Variants in XKR8 observed in about 807,000 individuals in gnomAD.
XKR8 encodes the protein XK related 8.
In XKR8, 10 loss-of-function variants were observed where a neutral mutation model predicts 17.1. The ratio of observed to expected loss-of-function variants is 0.59; its 90% CI spans 0.36 to 0.99. The LOEUF is 0.99. Ranked by LOEUF, XKR8 falls within the 50% of genes least tolerant of loss-of-function variation. The probability of loss-of-function intolerance (pLI) is 0.01; values close to 1 mark genes in which losing one functional copy is unlikely to be tolerated. For missense variants in XKR8, 411 were observed against 515.6 expected, an observed-to-expected ratio of 0.80 and a Z score of 1.96; for synonymous variants, 213 against 251.9, an observed-to-expected ratio of 0.85 and a Z score of 1.46.
chr1:27,967,345 G>A lies in XKR8; in HGVS notation c.*145G>A, dbSNP rs569258073. Reference sequence around the variant, plus strand: ...AAGAGCGGGACGCCTGTGCTGGGCCGGGCACCAGGGATGGTGCTGAGTCGG... The same window carrying A: ...AAGAGCGGGACGCCTGTGCTGGGCCAGGCACCAGGGATGGTGCTGAGTCGG... On this transcript the variant is annotated 3_prime_UTR_variant, in exon 3 of 3. Coordinates refer to ENST00000373884, the MANE Select transcript of XKR8 (RefSeq NM_018053.4). The surrounding 1 kb of genome is among the most constrained non-coding windows in gnomAD (Gnocchi z 4.3). The A allele has an allele frequency of 4.5e-5, 41 of 915,448 alleles. No homozygotes were observed. The highest frequency in any genetic ancestry group is 4.0e-4 in the Admixed American group (13 of 32,340). The allele number at this position is 915,448 out of a possible 1,614,324, so 56.7% of individuals were successfully genotyped here.
At position 27,959,994 on chromosome 1, in the gene XKR8, C is replaced by A. The variant is rs1200824459; in HGVS notation, c.-76C>A. The A allele has an allele frequency of 3.1e-6, 4 of 1,309,534 alleles. No homozygotes were observed. The highest frequency in any genetic ancestry group is 3.9e-6 in the Non-Finnish European group (4 of 1,021,568). 81.1% of individuals were successfully genotyped at this position (1,309,534 alleles called of 1,614,324 possible). ...CCCCGAGGGCTGCGCCCACCTCCTT[C>A]CTGCCTCGGCAACCCCGGGCCCTGA... On this transcript the variant is annotated 5_prime_UTR_variant, in exon 1 of 3. Coordinates refer to ENST00000373884, the MANE Select transcript of XKR8 (RefSeq NM_018053.4).
rs745583124 is a variant in XKR8, at chr1:27,966,922, G to A, written c.910G>A (p.Val304Met). 3.7e-6 allele frequency: 6 copies of A among 1,614,182 alleles called. No homozygotes were observed. The South Asian group carries it at 6.6e-5, about 18-fold the overall frequency. The change falls in exon 3 of 3, where the codon GTG (valine) becomes ATG (methionine). Residue 304 changes from valine to methionine, a missense_variant. Physicochemically the swap from Val to Met is conservative, Grantham distance 21. Coordinates refer to ENST00000373884, the MANE Select transcript of XKR8 (RefSeq NM_018053.4). The surrounding 1 kb of genome is among the most constrained non-coding windows in gnomAD (Gnocchi z 4.3). ...CAGCATTCTCCTGGTGGCCACCTGG[G>A]TGACTCATAGCTCCTGGCTGCCCAG... ...SDSILLVATWVTHSSWLPSGI... is the reference protein window; with the variant it reads ...SDSILLVATWMTHSSWLPSGI...
At position 27,967,304 on chromosome 1, in the gene XKR8, C is replaced by A; in HGVS notation, c.*104C>A. On this transcript the variant is annotated 3_prime_UTR_variant, in exon 3 of 3. Coordinates refer to ENST00000373884, the MANE Select transcript of XKR8 (RefSeq NM_018053.4). The surrounding 1 kb of genome is among the most constrained non-coding windows in gnomAD (Gnocchi z 4.3). ...GGATAAGCTAACGATGCTGCTGTGG[C>A]CTCTATGCACTCAGCAAGAGCGGGA... is the stretch of plus-strand genomic sequence containing the variant. 7 of 1,297,256 alleles carry A rather than the reference C, an allele frequency of 5.4e-6. No individual in the cohort carries two copies. Among genetic ancestry groups the A allele is most frequent in the Non-Finnish European group, 6.3e-6 (6 of 958,034 alleles). 80.4% of individuals were successfully genotyped at this position (1,297,256 alleles called of 1,614,324 possible). A position where few individuals can be genotyped will look rare whatever the true frequency, so the allele number is the denominator to read the frequency against.
chr1:27,964,575 G>A (rs1638533266), intron 2 of XKR8, among the ~76,000 whole-genome samples: 2 of 152,064 alleles, frequency 1.3e-5, no homozygotes, highest in Admixed American at 6.6e-5. Context: ...TACTGTGCTG[G>A]GGACACAGCA....
chr1:27,964,021 A>G (rs1638521541), intron 2 of XKR8, among the ~76,000 whole-genome samples: 1 of 152,128 alleles, frequency 6.6e-6, no homozygotes, highest in Non-Finnish European at 1.5e-5. Flanking sequence ...TCACTCTGTC[A>G]TCGCCCGTAG....
At chr1:27,963,826 C>T in intron 2 of XKR8, 133 bp downstream of exon 2, 1 of 944,480 alleles carries the variant, frequency 1.1e-6, no homozygotes. Context: ...GCAGATCTGG[C>T]TTGAAACCTA....
chr1:27,965,340 T>C lies in XKR8; in HGVS notation c.491-1163T>C. 6.6e-6 allele frequency among the ~76,000 whole-genome samples: 1 copy of C among 152,112 alleles called. No individual in the cohort carries two copies. The highest frequency in any genetic ancestry group is 6.5e-5 in the Admixed American group (1 of 15,268). Reference sequence around the variant, plus strand: ...TTAGCAAACATCTCTTTCGCTGCTGTTATGTGCCAGGTACTGGGCTGCTGG... The same window carrying C: ...TTAGCAAACATCTCTTTCGCTGCTGCTATGTGCCAGGTACTGGGCTGCTGG... On this transcript the variant is annotated intron_variant, in intron 2 of 2. Transcript: ENST00000373884. The surrounding 1 kb of genome is among the most constrained non-coding windows in gnomAD (Gnocchi z 4.1).
At chr1:27,962,093 G>C (rs1421645224) in intron 1 of XKR8, among the ~76,000 whole-genome samples, 2 of 152,158 alleles carry the variant, frequency 1.3e-5, no homozygotes, top group Non-Finnish European at 2.9e-5. Context: ...TCTGGCCTGT[G>C]CCCAGAAGTG....
At chr1:27,963,077 G>A (rs1314175508) in intron 1 of XKR8, among the ~76,000 whole-genome samples, 1 of 152,116 alleles carries the variant, frequency 6.6e-6, no homozygotes, top group East Asian at 1.9e-4. Context: ...AGGCTGGAGT[G>A]CAGTGGCACG....
rs186431461 is a variant in XKR8, at chr1:27,965,784, C to T, written c.491-719C>T. Among the ~76,000 whole-genome samples, 1 of 152,246 alleles carries T rather than the reference C, an allele frequency of 6.6e-6. No individual in the cohort carries two copies. The highest frequency in any genetic ancestry group is 6.5e-5 in the Admixed American group (1 of 15,298). ...ACATCTGTCGAATGACTGCGGTGGA[C>T]GGGGACAGGGGAGGAAGCAGTCGGG... On this transcript the variant is annotated intron_variant, in intron 2 of 2. Transcript: ENST00000373884. The surrounding 1 kb of genome is among the most constrained non-coding windows in gnomAD (Gnocchi z 4.1).
Position 27,960,836 on chromosome 1 carries a change from A to G in XKR8, c.293+474A>G, listed in dbSNP as rs1384374762. Among the ~76,000 whole-genome samples the G allele has an allele frequency of 6.6e-6, 1 of 152,216 alleles. No individual in the cohort carries two copies. Among genetic ancestry groups the G allele is most frequent in the African/African-American group, 2.4e-5 (1 of 41,452 alleles). On this transcript the variant is annotated intron_variant, in intron 1 of 2. Transcript: ENST00000373884. The surrounding 1 kb of genome is among the most constrained non-coding windows in gnomAD (Gnocchi z 5.9). ...ATGGCAGGGGCTGCGGACTCAGTTC[A>G]GCATCCCATGTTTCAGCATGGGCAG...
Position 27,966,675 on chromosome 1 carries a change from C to T in XKR8, c.663C>T (p.Phe221=), listed in dbSNP as rs1638577730. ...CCCGAGTCCTGGCTGTGGCCCTGTT[C>T]TCAGCCCTCTTCCCCAGCTATGTGG... ...LWPRVLAVAL[F]SALFPSYVAL... Residue 221 remains phenylalanine, a synonymous_variant, in exon 3 of 3, where the codon TTC becomes TTT. Coordinates refer to ENST00000373884, the MANE Select transcript of XKR8 (RefSeq NM_018053.4). This position sits in a 1 kb window ranked among gnomAD's most constrained non-coding sequence, Gnocchi z 4.3. 6.2e-7 allele frequency: 1 copy of T among 1,614,194 alleles called. No individual in the cohort carries two copies. The highest frequency in any genetic ancestry group is 8.5e-7 in the Non-Finnish European group (1 of 1,180,040).
Position 27,960,469 on chromosome 1 carries a change from G to T in XKR8, c.293+107G>T. The T allele has an allele frequency of 8.4e-7, 1 of 1,188,712 alleles. No homozygotes were observed. Among genetic ancestry groups the T allele is most frequent in the South Asian group, 2.3e-5 (1 of 44,154 alleles). 73.6% of individuals were successfully genotyped at this position (1,188,712 alleles called of 1,614,324 possible). A position where few individuals can be genotyped will look rare whatever the true frequency, so the allele number is the denominator to read the frequency against. Reference sequence around the variant, plus strand: ...ATATGCCGGGAAGGGGACTGGGAGAGGGAACCAAGTCCTGTGGGCGCCTGG... The same window carrying T: ...ATATGCCGGGAAGGGGACTGGGAGATGGAACCAAGTCCTGTGGGCGCCTGG... On this transcript the variant is annotated intron_variant, in intron 1 of 2. Coordinates refer to ENST00000373884, the MANE Select transcript of XKR8 (RefSeq NM_018053.4). The surrounding 1 kb of genome is among the most constrained non-coding windows in gnomAD (Gnocchi z 5.9).
At position 27,960,788 on chromosome 1, in the gene XKR8, C is replaced by T. The variant is rs1310438339; in HGVS notation, c.293+426C>T. Among the ~76,000 whole-genome samples the T allele has an allele frequency of 6.6e-6, 1 of 152,204 alleles. No homozygotes were observed. On this transcript the variant is annotated intron_variant, in intron 1 of 2. Coordinates refer to ENST00000373884, the MANE Select transcript of XKR8 (RefSeq NM_018053.4). The surrounding 1 kb of genome is among the most constrained non-coding windows in gnomAD (Gnocchi z 5.9). ...GAGTGAGCGAAAGAATGAGAAAGTG[C>T]CTCGCACAGTGCCTGGCCTGTAATG...
chr1:27,960,013 G>T lies in XKR8; in HGVS notation c.-57G>T. On this transcript the variant is annotated 5_prime_UTR_variant, in exon 1 of 3. Coordinates refer to ENST00000373884, the MANE Select transcript of XKR8 (RefSeq NM_018053.4). This position sits in a 1 kb window ranked among gnomAD's most constrained non-coding sequence, Gnocchi z 5.9. The stretch of plus-strand genomic sequence containing the variant: ...CTCCTTCCTGCCTCGGCAACCCCGG[G>T]CCCTGAGGGCAGGCCCCAACCGCGG... The T allele has an allele frequency of 3.0e-6, 4 of 1,347,726 alleles. No individual in the cohort carries two copies. Among genetic ancestry groups the T allele is most frequent in the Non-Finnish European group, 2.9e-6 (3 of 1,052,404 alleles). The allele number at this position is 1,347,726 out of a possible 1,614,324, so 83.5% of individuals were successfully genotyped here.
Position 27,967,311 on chromosome 1 carries a change from G to A in XKR8, c.*111G>A, listed in dbSNP as rs1638597380. On this transcript the variant is annotated 3_prime_UTR_variant, in exon 3 of 3. Coordinates refer to ENST00000373884, the MANE Select transcript of XKR8 (RefSeq NM_018053.4). This position sits in a 1 kb window ranked among gnomAD's most constrained non-coding sequence, Gnocchi z 4.3. The stretch of plus-strand genomic sequence containing the variant: ...CTAACGATGCTGCTGTGGCCTCTAT[G>A]CACTCAGCAAGAGCGGGACGCCTGT... 6 of 1,268,110 alleles carry A rather than the reference G, an allele frequency of 4.7e-6. No homozygotes were observed. The highest frequency in any genetic ancestry group is 4.3e-6 in the Non-Finnish European group (4 of 934,598). 78.6% of individuals were successfully genotyped at this position (1,268,110 alleles called of 1,614,324 possible). A position where few individuals can be genotyped will look rare whatever the true frequency, so the allele number is the denominator to read the frequency against.
In XKR8 at chr1:27,966,852, C is replaced by T. The variant is rs759018528; in HGVS notation, c.840C>T (p.Arg280=). 1.2e-5 allele frequency: 19 copies of T among 1,613,976 alleles called. No homozygotes were observed. The South Asian group carries it at 2.0e-4, about 17-fold the overall frequency. Reference sequence around the variant, plus strand: ...CCTGGTTCAACGTGGCTGAGGGCCGCACCCGAGGCCGGGCCATCATCCACT... The same window carrying T: ...CCTGGTTCAACGTGGCTGAGGGCCGTACCCGAGGCCGGGCCATCATCCACT... ...YFSWFNVAEG[R]TRGRAIIHFA... The change falls in exon 3 of 3, where the codon CGC becomes CGT. Residue 280 remains arginine, a synonymous_variant. Coordinates refer to ENST00000373884, the MANE Select transcript of XKR8 (RefSeq NM_018053.4). This position sits in a 1 kb window ranked among gnomAD's most constrained non-coding sequence, Gnocchi z 4.3.
In XKR8 at chr1:27,960,687, C is replaced by G. The variant is rs1054255930; in HGVS notation, c.293+325C>G. Among the ~76,000 whole-genome samples, 4 of 152,218 alleles carry G rather than the reference C, an allele frequency of 2.6e-5. No homozygotes were observed. Among genetic ancestry groups the G allele is most frequent in the East Asian group, 1.9e-4 (1 of 5,190 alleles). ...CCTCTCGCCTCACTTCTGCATTTCT[C>G]TGAGCCTCAGTTTCCTCCTGCGTAG... On this transcript the variant is annotated intron_variant, in intron 1 of 2. Transcript: ENST00000373884. The surrounding 1 kb of genome is among the most constrained non-coding windows in gnomAD (Gnocchi z 5.9).
intron 1 of XKR8, among the ~76,000 whole-genome samples, chr1:27,962,094 C>T (rs1638479671): frequency 6.6e-6 from 1 of 152,196 alleles, no homozygotes; most frequent in Admixed American, 6.5e-5. Flanking sequence ...CTGGCCTGTG[C>T]CCAGAAGTGC....
Sources: gnomAD v4.1 joint callset for allele counts (sites outside exome capture counted in the v4.1 genomes callset) on GRCh38, gnomAD v4.1.1 for gene constraint, Gnocchi (gnomAD v3.1) non-coding constraint, MANE v1.5 for transcripts, NCBI Gene and HGNC (gene_info 2026-07-23, HGNC 2026-07-21) for gene names.